Variants in CAPS2 observed in about 807,000 individuals in gnomAD.
CAPS2 encodes the protein calcyphosine 2.
In CAPS2, 98 loss-of-function variants were observed where a neutral mutation model predicts 86.5. That is an observed-to-expected ratio of 1.13 (90% confidence interval 0.96 to 1.34). The LOEUF is 1.34. Ranked by LOEUF, CAPS2 falls within the 40% of genes most tolerant of loss-of-function variation. The pLI, the probability that CAPS2 is intolerant of heterozygous loss-of-function variation, is 0.00. For synonymous variants in CAPS2, 210 were observed against 225.1 expected, an observed-to-expected ratio of 0.93 and a Z score of 0.60; for missense variants, 729 against 686.8, an observed-to-expected ratio of 1.06 and a Z score of -0.69.
intron 1 of CAPS2, among the ~76,000 whole-genome samples, chr12:75,352,985 C>T (rs970794114): frequency 1.4e-4 from 21 of 152,118 alleles, no homozygotes; most frequent in Admixed American, 1.4e-3. Context: ...CTCTGGGACG[C>T]AGCTAAAGCA....
chr12:75,380,945 G>A (rs955330633), intron 1 of CAPS2, among the ~76,000 whole-genome samples: 2 of 152,144 alleles, frequency 1.3e-5, no homozygotes, highest in Non-Finnish European at 2.9e-5. Context: ...TTGACCTAAT[G>A]AATACAGAAG....
intron 1 of CAPS2, among the ~76,000 whole-genome samples, chr12:75,366,011 C>A (rs954622336): frequency 2.0e-5 from 3 of 152,044 alleles, no homozygotes; most frequent in Non-Finnish European, 2.9e-5. Flanking sequence ...TCCACTTGAT[C>A]AATAAACAAA....
At chr12:75,342,043 A>G (rs1485817837) in intron 1 of CAPS2, among the ~76,000 whole-genome samples, 1 of 152,036 alleles carries the variant, frequency 6.6e-6, no homozygotes, top group Non-Finnish European at 1.5e-5. Context: ...ACGCCTGGCC[A>G]CCTATTTATA....
intron 16 of CAPS2, among the ~76,000 whole-genome samples, chr12:75,279,592 T>C (rs1234755603): frequency 1.3e-5 from 2 of 151,958 alleles, no homozygotes; most frequent in Non-Finnish European, 2.9e-5. Context: ...GGTTCTCTAA[T>C]GGACTTAGAC....
intron 1 of CAPS2, among the ~76,000 whole-genome samples, chr12:75,382,399 G>A (rs2045047754): frequency 6.6e-6 from 1 of 152,116 alleles, no homozygotes; most frequent in Non-Finnish European, 1.5e-5. Flanking sequence ...CAGCACTTTG[G>A]GAGGCCAAGG....
upstream of CAPS2, among the ~76,000 whole-genome samples, chr12:75,328,821 T>G (rs1470331275): frequency 6.6e-6 from 1 of 152,232 alleles, no homozygotes. Flanking sequence ...CAAATGTTTG[T>G]TAAATAAGTG....
chr12:75,293,076 G>GT (rs1164808304), intron 12 of CAPS2, among the ~76,000 whole-genome samples, 173 bp downstream of exon 12: 2 of 152,080 alleles, frequency 1.3e-5, no homozygotes, highest in Non-Finnish European at 2.9e-5. Flanking sequence ...CACACATGAA[G>GT]TGTATTTGAG....
At chr12:75,390,827 G>A (rs1351055027) in intron 1 of CAPS2, 1 of 614,172 alleles carries the variant, frequency 1.6e-6, no homozygotes, top group South Asian at 1.5e-5. Context: ...TAGTGAAAAG[G>A]GCTTACTCAC....
chr12:75,288,285 T>C (rs1449608186), intron 14 of CAPS2, among the ~76,000 whole-genome samples: 1 of 152,028 alleles, frequency 6.6e-6, no homozygotes, highest in Non-Finnish European at 1.5e-5. Flanking sequence ...GATGGGTATG[T>C]CAGAACAATG....
At chr12:75,327,119 TAA>T (rs1407247012), upstream of CAPS2, among the ~76,000 whole-genome samples, 1 of 152,200 alleles carries the variant, frequency 6.6e-6, no homozygotes, top group Non-Finnish European at 1.5e-5. Flanking sequence ...TATAAAATAA[TAA>T]ATTTATGTTG....
intron 1 of CAPS2, among the ~76,000 whole-genome samples, chr12:75,347,323 T>C (rs1273781747): frequency 2.0e-5 from 3 of 152,242 alleles, no homozygotes; most frequent in East Asian, 1.9e-4. Flanking sequence ...ATGTATTTCA[T>C]AAATAATCTA....
chr12:75,327,587 A>G (rs2040902670), upstream of CAPS2, among the ~76,000 whole-genome samples: 1 of 151,890 alleles, frequency 6.6e-6, no homozygotes, highest in South Asian at 2.1e-4. Flanking sequence ...TTTAAAGGAA[A>G]GATAGCATGG....
intron 5 of CAPS2, chr12:75,318,117 T>C (rs1357997681): frequency 1.3e-5 from 2 of 152,162 alleles, no homozygotes; most frequent in Admixed American, 6.6e-5. Flanking sequence ...CCTGGTTTAA[T>C]GTCCTGCACA....
At chr12:75,320,036 A>G (rs781194225) in intron 5 of CAPS2, among the ~76,000 whole-genome samples, 1 of 152,122 alleles carries the variant, frequency 6.6e-6, no homozygotes, top group Non-Finnish European at 1.5e-5. Flanking sequence ...TAAGACCACT[A>G]AAAACATATT....
chr12:75,377,939 GA>G (rs1408792046), intron 1 of CAPS2, among the ~76,000 whole-genome samples: 6 of 151,546 alleles, frequency 4.0e-5, no homozygotes, highest in African/African-American at 1.5e-4. Context: ...TAATAGAACT[GA>G]ACATTGTTTT....
At chr12:75,320,958 T>C (rs972506964) in intron 5 of CAPS2, among the ~76,000 whole-genome samples, 2 of 151,970 alleles carry the variant, frequency 1.3e-5, no homozygotes, top group Admixed American at 6.6e-5. Flanking sequence ...TTTCCCATAA[T>C]GAGACAAAAG....
chr12:75,305,732 C>T, intron 7 of CAPS2: 2 of 690,426 alleles, frequency 2.9e-6, no homozygotes, highest in South Asian at 1.4e-5. Context: ...GTGGTACATG[C>T]GGGTCAAGGA....
intron 1 of CAPS2, chr12:75,371,288 G>A (rs929524650): frequency 6.4e-6 from 1 of 157,094 alleles, no homozygotes; most frequent in African/African-American, 2.4e-5. Flanking sequence ...AGGGCAGGAA[G>A]CATCCAGCAC....
chr12:75,369,052 A>G (rs74108755), intron 1 of CAPS2, among the ~76,000 whole-genome samples: 2,325 of 151,894 alleles, frequency 0.015, 48 homozygotes, highest in African/African-American at 0.053. Context: ...AATATATTTT[A>G]GCTTGGTTGG....
Sources: gnomAD v4.1 joint callset for allele counts (sites outside exome capture counted in the v4.1 genomes callset) on GRCh38, gnomAD v4.1.1 for gene constraint, MANE v1.5 for transcripts, NCBI Gene and HGNC (gene_info 2026-07-23, HGNC 2026-07-21) for gene names.